Variants in OTUD5 observed in about 807,000 individuals in gnomAD.
The protein encoded by OTUD5 is OTU domain-containing protein 5.
In OTUD5, 2 loss-of-function variants were observed where a neutral mutation model predicts 36.3. The ratio of observed to expected loss-of-function variants is 0.06; its 90% CI spans 0.02 to 0.17. OTUD5 has a LOEUF of 0.17. OTUD5 is among the 10% of genes least tolerant of loss of function. The pLI, the probability that OTUD5 is intolerant of heterozygous loss-of-function variation, is 1.00. For missense variants in OTUD5, 233 were observed against 512.3 expected (o/e 0.45, Z 5.26); for synonymous variants, 234 against 214.9 (o/e 1.09, Z -0.78).
At chrX:48,947,408 AAC>A (rs782441898) in intron 1 of OTUD5, among the ~76,000 whole-genome samples, 2 of 109,626 alleles carry the variant, frequency 1.8e-5, no homozygotes, top group Non-Finnish European at 3.8e-5. Flanking sequence ...AAAGAAAAGA[AAC>A]ACAGTCATTG....
chrX:48,954,442 T>C (rs782459072), intron 1 of OTUD5, among the ~76,000 whole-genome samples: 1 of 111,576 alleles, frequency 9.0e-6, no homozygotes, highest in Non-Finnish European at 1.9e-5. Context: ...TAGGATGTTT[T>C]TCCTCTGTCC....
intron 5 of OTUD5, among the ~76,000 whole-genome samples, chrX:48,929,379 C>T (rs930545671): frequency 8.3e-5 from 9 of 107,937 alleles, no homozygotes; most frequent in Non-Finnish European, 1.3e-4. Flanking sequence ...CAGAGCAAGA[C>T]TCTGTCTCAA....
intron 2 of OTUD5, among the ~76,000 whole-genome samples, chrX:48,941,068 A>AG (rs1397859763): frequency 2.7e-5 from 3 of 111,619 alleles, no homozygotes; most frequent in Non-Finnish European, 3.8e-5. Flanking sequence ...AGAGAAGTCA[A>AG]GGAACACAGC....
In OTUD5 at chrX:48,949,551, G is replaced by A. The variant is rs1395683159; in HGVS notation, c.595-5268C>T. 6.3e-5 allele frequency among the ~76,000 whole-genome samples: 7 copies of A among 111,244 alleles called. No individual in the cohort carries two copies. The South Asian group carries it at 1.5e-3, about 24-fold the overall frequency. On this transcript the variant is annotated intron_variant, in intron 1 of 8. Coordinates refer to ENST00000376488, the MANE Select transcript of OTUD5 (RefSeq NM_001136157.2). ...AAATTAGCTGGTCATGGTAGCAGGC[G>A]CCTGTAATCCCAACTACTCAGGAGG...
intron 5 of OTUD5, among the ~76,000 whole-genome samples, chrX:48,926,254 C>A (rs2063663865): frequency 9.0e-6 from 1 of 111,386 alleles, no homozygotes; most frequent in African/African-American, 3.3e-5. Context: ...CCTGTCATTC[C>A]AAACTCCTAT....
At chrX:48,953,312 C>T (rs2064179178) in intron 1 of OTUD5, among the ~76,000 whole-genome samples, 2 of 111,644 alleles carry the variant, frequency 1.8e-5, no homozygotes, top group East Asian at 2.8e-4. Flanking sequence ...AAACAGGCTG[C>T]TTGTCCTGCC....
chrX:48,926,764 G>A (rs942278520), intron 5 of OTUD5, among the ~76,000 whole-genome samples: 5 of 111,144 alleles, frequency 4.5e-5, no homozygotes, highest in African/African-American at 9.8e-5. Context: ...TGTGTGCACC[G>A]GGTGGAGGGA....
chrX:48,944,871 A>T (rs782198889), intron 1 of OTUD5, among the ~76,000 whole-genome samples: 1 of 111,086 alleles, frequency 9.0e-6, no homozygotes, highest in East Asian at 2.8e-4. Flanking sequence ...AAAAATACAA[A>T]AGTAGTCAGG....
chrX:48,926,811 G>C (rs1221615727), intron 5 of OTUD5, among the ~76,000 whole-genome samples: 1 of 111,380 alleles, frequency 9.0e-6, no homozygotes, highest in Admixed American at 9.6e-5. Flanking sequence ...GAAGTAGTGG[G>C]TGTGTGAGGG....
chrX:48,953,651 C>T (rs188469333), intron 1 of OTUD5, among the ~76,000 whole-genome samples: 52 of 111,186 alleles, frequency 4.7e-4, no homozygotes, highest in African/African-American at 1.5e-3. Context: ...TCTCAAAGAG[C>T]TCTGTGGGGT....
chrX:48,926,083 T>A, intron 5 of OTUD5, 33 bp from the exon 6 acceptor site: 1 of 1,116,363 alleles, frequency 9.0e-7, no homozygotes, highest in Non-Finnish European at 1.2e-6. Context: ...GGATGTGCAA[T>A]AACACACTGA....
chrX:48,934,659 G>A (rs2063803933), intron 4 of OTUD5, 47 bp from the exon 5 acceptor site: 1 of 1,205,141 alleles, frequency 8.3e-7, no homozygotes, highest in Admixed American at 2.2e-5. Flanking sequence ...GCCAGGTTGG[G>A]CAGGCTCGAA....
Position 48,923,026 on chromosome X carries a change from C to G in OTUD5, c.*148G>C, listed in dbSNP as rs1413799228. On this transcript the variant is annotated 3_prime_UTR_variant, in exon 9 of 9. Coordinates refer to ENST00000376488, the MANE Select transcript of OTUD5 (RefSeq NM_001136157.2). Reference sequence around the variant, plus strand: ...CAATGAGAGAGAGTGCAGGGGTGGGCTAGCCAGAGGGAAGTGAGGAGGAGG... The same window carrying G: ...CAATGAGAGAGAGTGCAGGGGTGGGGTAGCCAGAGGGAAGTGAGGAGGAGG... The G allele has an allele frequency of 7.1e-6, 8 of 1,130,420 alleles. No individual in the cohort carries two copies. The highest frequency in any genetic ancestry group is 9.3e-6 in the Non-Finnish European group (8 of 857,338). 93.2% of individuals were successfully genotyped at this position (1,130,420 alleles called of 1,213,427 possible).
Position 48,923,973 on chromosome X carries a change from G to A in OTUD5, c.1343C>T (p.Pro448Leu). The change falls in exon 7 of 9, where the codon CCG becomes CTG. Residue 448 changes from proline (P) to leucine (L), a missense_variant. Physicochemically the swap from Pro to Leu is moderately conservative, Grantham distance 98. Coordinates refer to ENST00000376488, the MANE Select transcript of OTUD5 (RefSeq NM_001136157.2). ...SGLEEWTSRS[P>L]RQRSSASSPE... ...TGACGAGGCTGAACTCCGCTGCCGC[G>A]GGGACCGGCTAGTCCACTCCTCCAG... The A allele has an allele frequency of 8.3e-7, 1 of 1,209,466 alleles. No individual in the cohort carries two copies. The highest frequency in any genetic ancestry group is 1.1e-6 in the Non-Finnish European group (1 of 894,072).
intron 5 of OTUD5, among the ~76,000 whole-genome samples, chrX:48,932,788 A>G (rs1260897908): frequency 1.8e-5 from 2 of 111,588 alleles, no homozygotes; most frequent in Admixed American, 1.9e-4. Flanking sequence ...TACAAAAAAA[A>G]AAAATTTTTT....
upstream of OTUD5, chrX:48,957,741 G>T: frequency 1.3e-6 from 1 of 793,696 alleles, no homozygotes; most frequent in Non-Finnish European, 1.5e-6. Flanking sequence ...CGGCGGCGGC[G>T]GCGGCGGCGG....
chrX:48,942,835 T>A (rs897424512), intron 2 of OTUD5, among the ~76,000 whole-genome samples: 3 of 110,438 alleles, frequency 2.7e-5, no homozygotes, highest in Non-Finnish European at 5.7e-5. Context: ...CAAAGCAACT[T>A]CATTAAATCG....
chrX:48,930,150 G>A (rs782228969), intron 5 of OTUD5, among the ~76,000 whole-genome samples: 46 of 111,987 alleles, frequency 4.1e-4, no homozygotes, highest in Non-Finnish European at 7.7e-4. Context: ...ACCCTCATTT[G>A]AAGGGGGTGG....
At chrX:48,942,244 T>TAC (rs1188711919) in intron 2 of OTUD5, among the ~76,000 whole-genome samples, 1,983 of 57,019 alleles carry the variant, frequency 0.035, 99 homozygotes, top group African/African-American at 0.11. Flanking sequence ...CACACACACA[T>TAC]ACACACACAC....
Sources: allele counts gnomAD v4.1 joint callset (sites outside exome capture counted in the v4.1 genomes callset), GRCh38; gene constraint gnomAD v4.1.1; transcripts MANE v1.5; gene names NCBI Gene and HGNC (gene_info 2026-07-23, HGNC 2026-07-21).